ETV6: variants seen among roughly 807,000 people sequenced by gnomAD.
ETV6 encodes transcription factor ETV6.
In ETV6, 16 loss-of-function variants were observed where a neutral mutation model predicts 51.1. The observed-to-expected ratio is 0.31, with a 90% CI of 0.21 to 0.48. The LOEUF (loss-of-function observed/expected upper bound fraction) is 0.48. Among genes scored for constraint, ETV6 ranks in the 20% least tolerant of loss-of-function variants. ETV6 has a pLI of 0.99. For missense variants in ETV6, 458 were observed against 594.8 expected (o/e 0.77, Z 2.39); for synonymous variants, 240 against 224.1 (o/e 1.07, Z -0.64).
chr12:11,775,072 G>A (rs1008956142), intron 2 of ETV6, among the ~76,000 whole-genome samples: 1 of 152,198 alleles, frequency 6.6e-6, no homozygotes, highest in Non-Finnish European at 1.5e-5. Flanking sequence ...CTCTGTCTCT[G>A]TATGGTTTCA....
chr12:11,674,502 A>G (rs1276427102), intron 1 of ETV6, among the ~76,000 whole-genome samples: 2 of 152,048 alleles, frequency 1.3e-5, no homozygotes, highest in African/African-American at 4.8e-5. Context: ...TTTTAATATA[A>G]TGAATATATG....
intron 4 of ETV6, among the ~76,000 whole-genome samples, chr12:11,866,854 A>T (rs944943850): frequency 1.3e-5 from 2 of 152,248 alleles, no homozygotes; most frequent in African/African-American, 4.8e-5. Context: ...AAGCTTTTAC[A>T]TGCCAATTTA....
intron 2 of ETV6, among the ~76,000 whole-genome samples, chr12:11,804,313 A>G (rs946193468): frequency 6.6e-6 from 1 of 152,198 alleles, no homozygotes; most frequent in African/African-American, 2.4e-5. Flanking sequence ...CCTGTGCCAA[A>G]ACCTCCACTG....
At chr12:11,800,551 C>T (rs1380085419) in intron 2 of ETV6, among the ~76,000 whole-genome samples, 1 of 149,392 alleles carries the variant, frequency 6.7e-6, no homozygotes, top group African/African-American at 2.5e-5. Context: ...TTGACCAACA[C>T]CTCCCCACCC....
chr12:11,884,621 A>C, intron 6 of ETV6, 34 bp downstream of exon 6: 1 of 1,611,940 alleles, frequency 6.2e-7, no homozygotes, highest in Non-Finnish European at 8.5e-7. Flanking sequence ...TCCATAAACT[A>C]GTGCCAAAAT....
In ETV6 at chr12:11,891,759, G is replaced by T; in HGVS notation, c.*713G>T. Reference sequence around the variant, plus strand: ...GAGTTCAGCCTCTTGGAGAGTCTTGGGGATTGTTGGCACCTAAACAGAATC... The same window carrying T: ...GAGTTCAGCCTCTTGGAGAGTCTTGTGGATTGTTGGCACCTAAACAGAATC... On this transcript the variant is annotated 3_prime_UTR_variant, in exon 8 of 8. Transcript: ENST00000396373. 2.6e-6 allele frequency: 1 copy of T among 386,042 alleles called. No individual in the cohort carries two copies. The highest frequency in any genetic ancestry group is 2.6e-5 in the South Asian group (1 of 37,798). 23.9% of individuals were successfully genotyped at this position (386,042 alleles called of 1,614,324 possible).
At chr12:11,676,770 A>C (rs1864429220) in intron 1 of ETV6, among the ~76,000 whole-genome samples, 1 of 152,072 alleles carries the variant, frequency 6.6e-6, no homozygotes, top group Admixed American at 6.6e-5. Context: ...GCTTATGAAC[A>C]TAGTGTTGGG....
rs1946919838 is a variant in ETV6, at chr12:11,873,688, AT to A, written c.1009+3722del. ...TGTTCAGGTGCCCTAGAATTTATGC[AT>A]TTGGACACCTTCTGTGTATAAGGCA... is the stretch of plus-strand genomic sequence containing the variant. On this transcript the variant is annotated intron_variant, in intron 5 of 7. Transcript: ENST00000396373. 4.4e-5 allele frequency among the ~76,000 whole-genome samples: 5 copies of A among 113,266 alleles called. 1 individual carries two copies. The South Asian group carries it at 1.4e-3, about 31-fold the overall frequency. 74.3% of individuals were successfully genotyped at this position (113,266 alleles called of 152,430 possible).
chr12:11,680,202 A>G (rs1318945908), intron 1 of ETV6, among the ~76,000 whole-genome samples: 2 of 152,248 alleles, frequency 1.3e-5, no homozygotes, highest in Non-Finnish European at 2.9e-5. Context: ...ACCAAATGGA[A>G]CTACTCTGGC....
Position 11,743,109 on chromosome 12 carries a change from CTT to C in ETV6, c.34-9338_34-9337del, listed in dbSNP as rs60012857. On this transcript the variant is annotated intron_variant, in intron 1 of 7. Transcript: ENST00000396373. ...AGGTGTGAGCCACTGCGCCAGACCT[CTT>C]TTATCTTTGAGATAATACCGTGTGA... Among the ~76,000 whole-genome samples the C allele has an allele frequency of 5.4e-3, 829 of 152,248 alleles. 5 individuals are homozygous for C. Among genetic ancestry groups the C allele is most frequent in the African/African-American group, 0.019 (790 of 41,552 alleles).
chr12:11,729,053 G>A (rs1317115410), intron 1 of ETV6, among the ~76,000 whole-genome samples: 2 of 152,120 alleles, frequency 1.3e-5, no homozygotes, highest in African/African-American at 4.8e-5. Flanking sequence ...ATTTTTGATG[G>A]CTCTGTGACA....
intron 1 of ETV6, among the ~76,000 whole-genome samples, chr12:11,674,054 G>A (rs1041245680): frequency 6.6e-6 from 1 of 152,070 alleles, no homozygotes; most frequent in South Asian, 2.1e-4. Flanking sequence ...GGTACAAATC[G>A]TAATGCATAT....
At chr12:11,824,016 G>A (rs1946119222) in intron 2 of ETV6, among the ~76,000 whole-genome samples, 2 of 152,094 alleles carry the variant, frequency 1.3e-5, no homozygotes, top group Admixed American at 1.3e-4. Context: ...TTCACTTACT[G>A]CCACAAAACC....
In ETV6 at chr12:11,649,949, C is replaced by T. The variant is rs1863856863; in HGVS notation, c.-179C>T. On this transcript the variant is annotated 5_prime_UTR_variant, in exon 1 of 8. Coordinates refer to ENST00000396373, the MANE Select transcript of ETV6 (RefSeq NM_001987.5). ...CCCCGCCGCCCCGCGCGCCCAACTC[C>T]GCCGGCCGCCCCGCCCCGCCCCGCG... The T allele has an allele frequency of 1.3e-5, 5 of 375,688 alleles. No homozygotes were observed. Among genetic ancestry groups the T allele is most frequent in the African/African-American group, 2.1e-5 (1 of 46,804 alleles). The allele number at this position is 375,688 out of a possible 1,614,324, so 23.3% of individuals were successfully genotyped here.
At chr12:11,708,273 AG>A (rs1006572039) in intron 1 of ETV6, among the ~76,000 whole-genome samples, 1 of 151,738 alleles carries the variant, frequency 6.6e-6, no homozygotes, top group African/African-American at 2.4e-5. Context: ...AAAAAAAAAA[AG>A]AACAAGAATG....
At chr12:11,674,594 A>AGGGGTTAAT (rs1864379294) in intron 1 of ETV6, among the ~76,000 whole-genome samples, 1 of 149,144 alleles carries the variant, frequency 6.7e-6, no homozygotes, top group South Asian at 2.1e-4. Flanking sequence ...CAAGGCCCAT[A>AGGGGTTAAT]GGGGTTAATG....
intron 3 of ETV6, among the ~76,000 whole-genome samples, chr12:11,848,630 G>A (rs1004892342): frequency 3.3e-5 from 5 of 152,232 alleles, no homozygotes; most frequent in African/African-American, 7.2e-5. Context: ...GCGCACGCGC[G>A]TGTGCATGCA....
chr12:11,676,071 A>G (rs555130333), intron 1 of ETV6, among the ~76,000 whole-genome samples: 3 of 152,324 alleles, frequency 2.0e-5, no homozygotes, highest in South Asian at 4.1e-4. Context: ...GCCATCACCT[A>G]TGGCCACTTC....
intron 1 of ETV6, among the ~76,000 whole-genome samples, chr12:11,694,736 G>A (rs1041751503): frequency 1.3e-4 from 20 of 152,136 alleles, no homozygotes; most frequent in African/African-American, 4.8e-4. Context: ...TTATCCACAT[G>A]TACTTTTGTG....
Sources: allele counts gnomAD v4.1 joint callset (sites outside exome capture counted in the v4.1 genomes callset), GRCh38; gene constraint gnomAD v4.1.1; transcripts MANE v1.5; gene names NCBI Gene and HGNC (gene_info 2026-07-23, HGNC 2026-07-21).